Variants in COP1 observed in about 807,000 individuals in gnomAD.
COP1 encodes the protein E3 ubiquitin-protein ligase COP1.
A neutral mutation model predicts 101.3 loss-of-function variants in COP1; 24 were observed. The ratio of observed to expected loss-of-function variants is 0.24; its 90% CI spans 0.17 to 0.33. The LOEUF is 0.33. Among genes scored for constraint, COP1 ranks in the 10% least tolerant of loss-of-function variants. The pLI is 1.00. For synonymous variants in COP1, 347 were observed against 341.9 expected (o/e 1.01, Z -0.17); for missense variants, 663 against 906.2 (o/e 0.73, Z 3.45).
At chr1:176,168,350 CCT>C (rs1445489319) in intron 3 of COP1, among the ~76,000 whole-genome samples, 3 of 151,228 alleles carry the variant, frequency 2.0e-5, no homozygotes, top group Non-Finnish European at 4.4e-5. Flanking sequence ...AGCCACCACC[CCT>C]GACCTACAAA....
At chr1:176,091,552 T>C (rs1681311773) in intron 9 of COP1, among the ~76,000 whole-genome samples, 1 of 152,090 alleles carries the variant, frequency 6.6e-6, no homozygotes, top group African/African-American at 2.4e-5. Flanking sequence ...TAACAATATA[T>C]AAGTCAGAAG....
At chr1:176,107,040 C>G (rs1398216924) in intron 9 of COP1, among the ~76,000 whole-genome samples, 1 of 152,128 alleles carries the variant, frequency 6.6e-6, no homozygotes, top group Non-Finnish European at 1.5e-5. Flanking sequence ...GGATCCCTTT[C>G]AATAAATACA....
intron 15 of COP1, among the ~76,000 whole-genome samples, chr1:176,023,735 A>AAAAAAAAG (rs1553225858): frequency 2.8e-5 from 3 of 107,428 alleles, no homozygotes; most frequent in African/African-American, 9.5e-5. Flanking sequence ...AAAAAAAAAA[A>AAAAAAAAG]AAAAGAAAAG....
chr1:176,081,057 C>T, intron 11 of COP1, 95 bp downstream of exon 11: 1 of 1,128,262 alleles, frequency 8.9e-7, no homozygotes. Context: ...ACTTCAGAAC[C>T]CACGCTTTTA....
chr1:175,956,445 T>C (rs995328077), intron 18 of COP1, among the ~76,000 whole-genome samples: 1 of 151,910 alleles, frequency 6.6e-6, no homozygotes, highest in African/African-American at 2.4e-5. Context: ...AGAGAAAATC[T>C]TTGGGTTGGC....
rs768474194 is a variant in COP1 at position 176,043,143 on chromosome 1, G to A, written c.1612+43C>T. 1.4e-5 allele frequency: 17 copies of A among 1,175,366 alleles called. No individual in the cohort carries two copies. The East Asian group carries it at 1.9e-4, about 13-fold the overall frequency. 72.8% of individuals were successfully genotyped at this position (1,175,366 alleles called of 1,614,324 possible). On this transcript the variant is annotated intron_variant, in intron 14 of 19. Coordinates refer to ENST00000367669, the MANE Select transcript of COP1 (RefSeq NM_022457.7). ...CGATGAAAGGAATTACAGTTAAGAG[G>A]GCCAGGGAGAAGGAGGTGCTGAGAA... is the stretch of plus-strand genomic sequence containing the variant.
At chr1:176,057,769 G>C (rs1453350034) in intron 11 of COP1, among the ~76,000 whole-genome samples, 1 of 152,144 alleles carries the variant, frequency 6.6e-6, no homozygotes, top group Non-Finnish European at 1.5e-5. Flanking sequence ...CATCTGGGAA[G>C]TGAGGAGCGT....
chr1:176,137,042 C>G (rs1689920843), intron 6 of COP1, among the ~76,000 whole-genome samples: 1 of 152,120 alleles, frequency 6.6e-6, no homozygotes, highest in South Asian at 2.1e-4. Flanking sequence ...GCCACTGCAC[C>G]AGAACTTTAA....
At chr1:175,950,631 T>G (rs968647111) in intron 18 of COP1, among the ~76,000 whole-genome samples, 2 of 152,248 alleles carry the variant, frequency 1.3e-5, no homozygotes, top group African/African-American at 4.8e-5. Context: ...AAAGTGTGAG[T>G]CAGTAATTCT....
chr1:176,062,619 C>A (rs1428136214), intron 11 of COP1, among the ~76,000 whole-genome samples: 5 of 152,130 alleles, frequency 3.3e-5, no homozygotes, highest in Non-Finnish European at 7.4e-5. Flanking sequence ...TACAGCACAG[C>A]AATTCCAATT....
chr1:175,963,526 G>C (rs6704250), intron 18 of COP1, among the ~76,000 whole-genome samples: 142,994 of 152,182 alleles, frequency 0.94, 67,625 homozygotes, highest in East Asian at 1. Flanking sequence ...AAATCTGAGC[G>C]TCAATTTCAC....
intron 18 of COP1, among the ~76,000 whole-genome samples, chr1:175,963,455 G>A (rs1225004486): frequency 2.0e-5 from 3 of 152,242 alleles, no homozygotes; most frequent in Non-Finnish European, 4.4e-5. Context: ...ACGTTTTACA[G>A]CCAGCCCGAC....
intron 11 of COP1, among the ~76,000 whole-genome samples, chr1:176,075,625 G>C (rs553104667): frequency 1.2e-3 from 185 of 152,174 alleles, no homozygotes; most frequent in Middle Eastern, 3.4e-3. Flanking sequence ...AAATACTTAA[G>C]CATATACACA....
intron 8 of COP1, among the ~76,000 whole-genome samples, chr1:176,131,412 C>T (rs1393033084): frequency 1.3e-5 from 2 of 151,734 alleles, no homozygotes; most frequent in Non-Finnish European, 3.0e-5. Flanking sequence ...ATACCATTAT[C>T]TGGCTTCTGC....
At chr1:175,992,489 T>C (rs971910972) in intron 15 of COP1, among the ~76,000 whole-genome samples, 2 of 152,178 alleles carry the variant, frequency 1.3e-5, no homozygotes, top group East Asian at 1.9e-4. Flanking sequence ...TTCCCTTTCC[T>C]AGTCAAAGAA....
chr1:176,157,774 T>C (rs529302557), intron 5 of COP1, among the ~76,000 whole-genome samples: 4 of 152,192 alleles, frequency 2.6e-5, no homozygotes, highest in African/African-American at 9.6e-5. Flanking sequence ...GAAACAAGCA[T>C]GCAAAGAAGC....
intron 8 of COP1, among the ~76,000 whole-genome samples, chr1:176,125,104 AT>A (rs57143115): frequency 0.75 from 113,090 of 151,220 alleles, 44,152 homozygotes; most frequent in East Asian, 0.92. Context: ...TGATTATTCG[AT>A]TTTTTTTTTC....
chr1:176,103,333 C>T (rs1262936196), intron 9 of COP1, among the ~76,000 whole-genome samples: 2 of 152,198 alleles, frequency 1.3e-5, no homozygotes, highest in African/African-American at 4.8e-5. Context: ...TGCACACACA[C>T]CAACCTCCAG....
chr1:176,060,972 A>G (rs1674730788), intron 11 of COP1, among the ~76,000 whole-genome samples: 1 of 152,232 alleles, frequency 6.6e-6, no homozygotes, highest in Non-Finnish European at 1.5e-5. Flanking sequence ...TAAAATGTAC[A>G]TGGAAATGTA....
Sources: gnomAD v4.1 joint callset for allele counts (sites outside exome capture counted in the v4.1 genomes callset) on GRCh38, gnomAD v4.1.1 for gene constraint, MANE v1.5 for transcripts, NCBI Gene and HGNC (gene_info 2026-07-23, HGNC 2026-07-21) for gene names.